Variants in CLASP1 observed in about 807,000 individuals in gnomAD.
CLASP1 encodes the protein cytoplasmic linker associated protein 1.
CLASP1 carries 38 observed loss-of-function variants against 192.3 expected under a neutral mutation model. The ratio of observed to expected loss-of-function variants is 0.20; its 90% CI spans 0.15 to 0.26. The LOEUF (loss-of-function observed/expected upper bound fraction) is 0.26. Ranked by LOEUF, CLASP1 falls within the 10% of genes least tolerant of loss-of-function variation. The pLI, the probability that CLASP1 is intolerant of heterozygous loss-of-function variation, is 1.00. For synonymous variants in CLASP1, 691 were observed against 712.8 expected (o/e 0.97, Z 0.49); for missense variants, 1,433 against 1,932.5 (o/e 0.74, Z 4.85).
At chr2:121,388,033 C>A in intron 30 of CLASP1, 127 bp from the exon 32 acceptor site, 6 of 656,698 alleles carry the variant, frequency 9.1e-6, no homozygotes, top group Non-Finnish European at 1.3e-5. Context: ...GCATCAAAAA[C>A]AAAAAAGCAT....
At position 121,367,698 on chromosome 2, in the gene CLASP1, G is replaced by A. The variant is rs755786834; in HGVS notation, c.3776C>T (p.Pro1259Leu). ...GTACGGGTTGTAGTCTCGCGCCCGC[G>A]GCCCCGGGAAGGCGCGCGGAGGCTG... is the stretch of plus-strand genomic sequence containing the variant. The change falls in exon 35 of 40, where the codon CCG (proline) becomes CTG (leucine). Residue 1259 changes from proline to leucine, a missense_variant. Around this residue, in one of 8 missense-constraint regions of CLASP1, gnomAD observed 336 missense variants for 358.0 expected, o/e 0.94. Coordinates refer to ENST00000263710, the Ensembl canonical transcript of CLASP1. The A allele has an allele frequency of 3.1e-6, 5 of 1,613,982 alleles. No homozygotes were observed. In the Admixed American group the frequency reaches 5.0e-5, roughly 16 times the overall value.
chr2:121,418,555 T>C, intron 23 of CLASP1, 67 bp downstream of exon 23: 1 of 1,086,474 alleles, frequency 9.2e-7, no homozygotes. Flanking sequence ...TCATTCCGCC[T>C]AGCAGTGTCT....
chr2:121,611,460 AGAGGAACTGGAGGAG>A (rs2065465933), intron 1 of CLASP1, among the ~76,000 whole-genome samples: 1 of 128,586 alleles, frequency 7.8e-6, no homozygotes, highest in Non-Finnish European at 1.6e-5. Context: ...TACAGGAGGA[AGAGGAACTGGAGGAG>A]GAGGCGTTGG....
chr2:121,558,721 T>C (rs1157558590), intron 2 of CLASP1, among the ~76,000 whole-genome samples: 1 of 152,186 alleles, frequency 6.6e-6, no homozygotes, highest in Non-Finnish European at 1.5e-5. Flanking sequence ...TTTACAATAA[T>C]TTATCCAGTT....
At chr2:121,577,191 T>C (rs2060607673) in intron 2 of CLASP1, among the ~76,000 whole-genome samples, 1 of 152,000 alleles carries the variant, frequency 6.6e-6, no homozygotes, top group Non-Finnish European at 1.5e-5. Flanking sequence ...TGGAGGTTCA[T>C]TGTTTCATTT....
chr2:121,492,099 G>C (rs963334038), intron 8 of CLASP1, among the ~76,000 whole-genome samples: 2 of 152,098 alleles, frequency 1.3e-5, no homozygotes, highest in African/African-American at 2.4e-5. Context: ...TACACCAAAA[G>C]ACACTTAAAA....
chr2:121,586,673 G>A (rs893108836), intron 2 of CLASP1, among the ~76,000 whole-genome samples: 1 of 152,098 alleles, frequency 6.6e-6, no homozygotes, highest in South Asian at 2.1e-4. Context: ...TGTCCTGAGT[G>A]TGCATGAATG....
chr2:121,449,483 T>C (rs1254470694), intron 16 of CLASP1, among the ~76,000 whole-genome samples: 1 of 152,020 alleles, frequency 6.6e-6, no homozygotes, highest in African/African-American at 2.4e-5. Context: ...TACATGCAAT[T>C]TTACATCTCT....
chr2:121,607,475 A>T (rs1383037008), intron 1 of CLASP1, among the ~76,000 whole-genome samples: 1 of 152,212 alleles, frequency 6.6e-6, no homozygotes. Context: ...AGTAGGGTAA[A>T]ATACATGATA....
chr2:121,526,693 A>G (rs1442611201), intron 5 of CLASP1, among the ~76,000 whole-genome samples: 1 of 152,240 alleles, frequency 6.6e-6, no homozygotes, highest in Non-Finnish European at 1.5e-5. Flanking sequence ...TAAAAATAAC[A>G]TAACTTTACA....
At chr2:121,492,037 A>G (rs986182655) in intron 8 of CLASP1, among the ~76,000 whole-genome samples, 3 of 152,244 alleles carry the variant, frequency 2.0e-5, no homozygotes, top group Non-Finnish European at 4.4e-5. Flanking sequence ...TGTTGTTCAC[A>G]AGCAACAAAA....
chr2:121,432,291 G>T (rs1053906944), intron 19 of CLASP1, among the ~76,000 whole-genome samples: 4 of 152,036 alleles, frequency 2.6e-5, no homozygotes, highest in Non-Finnish European at 5.9e-5. Context: ...GCTAATTTTT[G>T]TATTTTTAGT....
intron 6 of CLASP1, among the ~76,000 whole-genome samples, chr2:121,519,718 G>A (rs1477969610): frequency 2.0e-5 from 3 of 152,084 alleles, no homozygotes; most frequent in South Asian, 2.1e-4. Context: ...TAAAATAATC[G>A]TTCCTTAGAC....
intron 2 of CLASP1, among the ~76,000 whole-genome samples, chr2:121,569,108 G>C (rs1470749333): frequency 2.0e-5 from 3 of 152,118 alleles, no homozygotes; most frequent in African/African-American, 7.2e-5. Flanking sequence ...CAATAGAGAC[G>C]CTAATGACTT....
intron 2 of CLASP1, among the ~76,000 whole-genome samples, chr2:121,544,913 T>C (rs1457293940): frequency 2.1e-4 from 32 of 150,808 alleles, no homozygotes; most frequent in East Asian, 1.9e-4. Flanking sequence ...TTTTCTTTTT[T>C]TTTTTTTTTT....
At chr2:121,555,311 A>G (rs1275293909) in intron 2 of CLASP1, among the ~76,000 whole-genome samples, 1 of 152,174 alleles carries the variant, frequency 6.6e-6, no homozygotes, top group Non-Finnish European at 1.5e-5. Flanking sequence ...GCCTCCCACC[A>G]ATATCCACCA....
At chr2:121,594,535 G>A (rs1354444803) in intron 2 of CLASP1, among the ~76,000 whole-genome samples, 1 of 151,346 alleles carries the variant, frequency 6.6e-6, no homozygotes, top group African/African-American at 2.4e-5. Context: ...TGGGACTACA[G>A]GCACCCGATA....
chr2:121,551,531 C>T (rs559876686), intron 2 of CLASP1, among the ~76,000 whole-genome samples: 1 of 152,252 alleles, frequency 6.6e-6, no homozygotes, highest in East Asian at 1.9e-4. Context: ...ATACAAAAAT[C>T]ACTAGCATTC....
exon 22 of CLASP1, chr2:121,425,249 G>C (rs2080193204): frequency 6.2e-7 from 1 of 1,613,346 alleles, no homozygotes; most frequent in African/African-American, 1.3e-5. Flanking sequence ...GGAGCCCCCA[G>C]TAAGTCCACC....
Sources: allele counts gnomAD v4.1 joint callset (sites outside exome capture counted in the v4.1 genomes callset), GRCh38; gene constraint gnomAD v4.1.1; regional missense constraint gnomAD v4.1.1; transcripts MANE v1.5; gene names NCBI Gene and HGNC (gene_info 2026-07-23, HGNC 2026-07-21).